Variants in SF3A1 observed in about 807,000 individuals in gnomAD.
SF3A1 encodes SAP 114.
Under a neutral mutation model 89.9 loss-of-function variants are expected in SF3A1, and 13 were observed. The ratio of observed to expected loss-of-function variants is 0.14; its 90% CI spans 0.09 to 0.23. The LOEUF is 0.23. Among genes scored for constraint, SF3A1 ranks in the 10% least tolerant of loss-of-function variants. The probability of loss-of-function intolerance (pLI) is 1.00; values close to 1 mark genes in which losing one functional copy is unlikely to be tolerated. For synonymous variants in SF3A1, 405 were observed against 374.4 expected (o/e 1.08, Z -0.94); for missense variants, 604 against 1,022.1 (o/e 0.59, Z 5.58).
intron 6 of SF3A1, 129 bp downstream of exon 6, chr22:30,342,071 A>T (rs559070221): frequency 1.6e-6 from 2 of 1,245,528 alleles, no homozygotes; most frequent in Non-Finnish European, 2.3e-6. Context: ...GTCTTTTGGG[A>T]GCAGGGAGGA....
intron 9 of SF3A1, 29 bp from the exon 10 acceptor site, chr22:30,339,280 A>C: frequency 6.2e-7 from 1 of 1,611,920 alleles, no homozygotes; most frequent in Non-Finnish European, 8.5e-7. Flanking sequence ...GAGGCAGAGG[A>C]TAGAAAGAGA....
intron 2 of SF3A1, among the ~76,000 whole-genome samples, chr22:30,347,995 C>T (rs926303715): frequency 6.6e-6 from 1 of 152,224 alleles, no homozygotes; most frequent in Non-Finnish European, 1.5e-5. Flanking sequence ...GCATATACCA[C>T]CATGCTCGGC....
At chr22:30,355,506 C>T (rs1315527177) in intron 1 of SF3A1, among the ~76,000 whole-genome samples, 2 of 152,186 alleles carry the variant, frequency 1.3e-5, no homozygotes, top group African/African-American at 4.8e-5. Flanking sequence ...ATTCTCCACA[C>T]GTCTGCCTAC....
chr22:30,337,000 T>C, intron 13 of SF3A1, 26 bp downstream of exon 13: 1 of 1,613,914 alleles, frequency 6.2e-7, no homozygotes, highest in Non-Finnish European at 8.5e-7. Context: ...AGCTAGAAAC[T>C]TCAGCAGCAT....
Position 30,340,433 on chromosome 22 carries a change from T to C in SF3A1, c.1190-52A>G, listed in dbSNP as rs182633204. On this transcript the variant is annotated intron_variant, in intron 8 of 15. Transcript: ENST00000215793. ...GAACACTGGTGGGCAGCCACCTGAG[T>C]TAAGAGGGTGGTATTTCATGCGTGC... 14 of 1,568,208 alleles carry C rather than the reference T, an allele frequency of 8.9e-6. No homozygotes were observed. In the East Asian group the frequency reaches 2.9e-4, roughly 33 times the overall value.
chr22:30,341,546 G>A lies in SF3A1; in HGVS notation c.1071+146C>T, dbSNP rs1601693859. ...GCTGGAAAGAGGCTCTGTGCTGCCT[G>A]GACTTGGGCAGCTGTATGGCCTTGT... On this transcript the variant is annotated intron_variant, in intron 7 of 15. Coordinates refer to ENST00000215793, the MANE Select transcript of SF3A1 (RefSeq NM_005877.6). 6 of 421,776 alleles carry A rather than the reference G, an allele frequency of 1.4e-5. No homozygotes were observed. The East Asian group carries it at 1.9e-4, about 13-fold the overall frequency. 26.1% of individuals were successfully genotyped at this position (421,776 alleles called of 1,614,324 possible).
In SF3A1 at chr22:30,340,269, A is replaced by G. The variant is rs769586493; in HGVS notation, c.1302T>C (p.Leu434=). The stretch of plus-strand genomic sequence containing the variant: ...CCCGCTGCTCCAGCCAGCGAGGGTC[A>G]AGAAGTCCAATGCGCATGTGTTCCT... ...KMQEHMRIGL[L]DPRWLEQRDR... The change falls in exon 9 of 16, where the codon CTT becomes CTC. Residue 434 remains leucine (L), a synonymous_variant. Transcript: ENST00000215793. The G allele has an allele frequency of 6.2e-7, 1 of 1,612,674 alleles. No individual in the cohort carries two copies. Among genetic ancestry groups the G allele is most frequent in the East Asian group, 2.2e-5 (1 of 44,774 alleles).
At chr22:30,342,556 C>T (rs1229950670) in intron 5 of SF3A1, 9 of 643,106 alleles carry the variant, frequency 1.4e-5, no homozygotes, top group Admixed American at 2.9e-5. Flanking sequence ...TGCTTGGGAG[C>T]TGGCCTTCTG....
chr22:30,342,311 C>T lies in SF3A1; in HGVS notation c.766G>A (p.Glu256Lys), dbSNP rs532792645. The T allele has an allele frequency of 1.9e-6, 3 of 1,613,850 alleles. No individual in the cohort carries two copies. The highest frequency in any genetic ancestry group is 1.3e-5 in the African/African-American group (1 of 75,044). Reference sequence around the variant, plus strand: ...TTCTCCTCTTCTTCCTTCTTCCTCTCACGTTCCTGGAATTTGGCCCATTCC... The same window carrying T: ...TTCTCCTCTTCTTCCTTCTTCCTCTTACGTTCCTGGAATTTGGCCCATTCC... ...RVEWAKFQER[E>K]RKKEEEEKEK... The change falls in exon 6 of 16, where the codon GAG becomes AAG. Residue 256 changes from glutamate (E) to lysine (K), a missense_variant. Glu to Lys is a moderately conservative substitution (Grantham distance 56). Around this residue, in one of 9 missense-constraint regions of SF3A1, gnomAD observed 162 missense variants for 229.2 expected, o/e 0.71. Transcript: ENST00000215793.
rs1198370205 is a variant in SF3A1 at position 30,352,947 on chromosome 22, T to A, written c.185+4A>T. The A allele has an allele frequency of 6.2e-7, 1 of 1,614,056 alleles. No homozygotes were observed. ...CCTCTGACCCACCCAAGTAGCTCTG[T>A]TACCTGGCCACAAAGCTGGCAGTCT... On this transcript the variant is annotated splice_donor_region_variant and intron_variant, in intron 2 of 15. Coordinates refer to ENST00000215793, the MANE Select transcript of SF3A1 (RefSeq NM_005877.6).
intron 2 of SF3A1, among the ~76,000 whole-genome samples, chr22:30,348,488 A>C (rs1260504605): frequency 6.6e-6 from 1 of 152,104 alleles, no homozygotes; most frequent in Non-Finnish European, 1.5e-5. Context: ...TGAAAACAAA[A>C]ATTTTTTAAA....
chr22:30,352,023 C>T (rs1452912824), intron 2 of SF3A1, among the ~76,000 whole-genome samples: 4 of 152,168 alleles, frequency 2.6e-5, no homozygotes, highest in African/African-American at 4.8e-5. Context: ...GGAGCAATTC[C>T]CATTCCATCT....
In SF3A1 at chr22:30,340,355, C is replaced by T; in HGVS notation, c.1216G>A (p.Ala406Thr). ...KASKPLPPAPAPDEYLVSPIT... is the reference protein window; with the variant it reads ...KASKPLPPAPTPDEYLVSPIT... Reference sequence around the variant, plus strand: ...GGGGACACAAGATACTCATCTGGAGCAGGGGCTGGAGGCAAGGGCTTGGAG... The same window carrying T: ...GGGGACACAAGATACTCATCTGGAGTAGGGGCTGGAGGCAAGGGCTTGGAG... Residue 406 changes from alanine to threonine, a missense_variant, in exon 9 of 16, where the codon GCT (alanine) becomes ACT (threonine). Transcript: ENST00000215793. 1 of 1,611,474 alleles carries T rather than the reference C, an allele frequency of 6.2e-7. No homozygotes were observed. The highest frequency in any genetic ancestry group is 2.2e-5 in the East Asian group (1 of 44,854).
At chr22:30,342,681 A>T in intron 5 of SF3A1, 124 bp downstream of exon 5, 1 of 726,296 alleles carries the variant, frequency 1.4e-6, no homozygotes, top group South Asian at 1.7e-5. Flanking sequence ...TGTAGCCAAC[A>T]AAGCCTTTTC....
intron 2 of SF3A1, among the ~76,000 whole-genome samples, chr22:30,349,383 C>T (rs866882117): frequency 1.2e-4 from 19 of 152,312 alleles, no homozygotes; most frequent in African/African-American, 3.1e-4. Context: ...CGGGTTCAAA[C>T]GATTCTTCTG....
intron 1 of SF3A1, among the ~76,000 whole-genome samples, chr22:30,355,497 T>C (rs1931763093): frequency 6.6e-6 from 1 of 152,208 alleles, no homozygotes; most frequent in Admixed American, 6.5e-5. Flanking sequence ...CTCATAGTGA[T>C]TCTCCACACG....
chr22:30,341,928 C>A, intron 6 of SF3A1, 43 bp from the exon 7 acceptor site: 1 of 1,578,560 alleles, frequency 6.3e-7, no homozygotes, highest in Non-Finnish European at 8.6e-7. Context: ...TATCAAAGAC[C>A]CACCTATTTG....
At chr22:30,343,215 T>C (rs966203492) in intron 4 of SF3A1, among the ~76,000 whole-genome samples, 1 of 152,174 alleles carries the variant, frequency 6.6e-6, no homozygotes, top group Non-Finnish European at 1.5e-5. Context: ...CCTGCTCTCA[T>C]CCTTTCAAAA....
intron 4 of SF3A1, 24 bp downstream of exon 4, chr22:30,344,909 C>T (rs1339488022): frequency 1.2e-6 from 2 of 1,609,380 alleles, no homozygotes; most frequent in Admixed American, 3.3e-5. Context: ...GGCCCAGGAC[C>T]CCAGCCCCAT....
Sources: allele counts gnomAD v4.1 joint callset (sites outside exome capture counted in the v4.1 genomes callset), GRCh38; gene constraint gnomAD v4.1.1; regional missense constraint gnomAD v4.1.1; transcripts MANE v1.5; gene names NCBI Gene and HGNC (gene_info 2026-07-23, HGNC 2026-07-21).